PIK3C2B: variants seen among roughly 807,000 people sequenced by gnomAD.
The protein encoded by PIK3C2B is phosphatidylinositol 4-phosphate 3-kinase C2 domain-containing subunit beta.
PIK3C2B carries 83 observed loss-of-function variants against 184.3 expected under a neutral mutation model. That is an observed-to-expected ratio of 0.45 (90% confidence interval 0.38 to 0.54). The LOEUF is 0.54. PIK3C2B is among the 20% of genes least tolerant of loss of function. PIK3C2B has a pLI of 0.00. For missense variants in PIK3C2B, 1,736 were observed against 2,113.5 expected, an observed-to-expected ratio of 0.82 and a Z score of 3.50; for synonymous variants, 779 against 837.6, an observed-to-expected ratio of 0.93 and a Z score of 1.21.
intron 1 of PIK3C2B, among the ~76,000 whole-genome samples, chr1:204,474,280 C>T (rs910078069): frequency 1.3e-5 from 2 of 152,326 alleles, no homozygotes; most frequent in East Asian, 3.9e-4. Flanking sequence ...CGTGAGCCAC[C>T]GTGCCCGGCT....
At chr1:204,432,175 G>C in intron 27 of PIK3C2B, 25 bp downstream of exon 27, 2 of 1,600,606 alleles carry the variant, frequency 1.2e-6, no homozygotes, top group South Asian at 1.1e-5. Flanking sequence ...GCAGGAAAGG[G>C]GGTCAGATTG....
chr1:204,483,288 T>C (rs1055223347), intron 1 of PIK3C2B, among the ~76,000 whole-genome samples: 1 of 151,758 alleles, frequency 6.6e-6, no homozygotes, highest in South Asian at 2.1e-4. Flanking sequence ...TGTGGTGGCA[T>C]GTACCTGTAG....
intron 1 of PIK3C2B, among the ~76,000 whole-genome samples, chr1:204,472,197 T>G (rs1353886256): frequency 6.8e-6 from 1 of 147,012 alleles, no homozygotes; most frequent in African/African-American, 2.5e-5. Context: ...GGAGTCTCAC[T>G]CTGTCGCCCA....
chr1:204,449,755 C>A, intron 13 of PIK3C2B, 95 bp downstream of exon 13: 1 of 1,195,732 alleles, frequency 8.4e-7, no homozygotes, highest in Non-Finnish European at 1.2e-6. Flanking sequence ...GCCAACTCTC[C>A]CAAGGCGCAC....
chr1:204,465,402 C>T lies in PIK3C2B; in HGVS notation c.934-83G>A, dbSNP rs1232910489. 2.3e-5 allele frequency: 19 copies of T among 814,884 alleles called. 1 individual carries two copies. The South Asian group carries it at 2.6e-4, about 11-fold the overall frequency. The allele number at this position is 814,884 out of a possible 1,614,324, so 50.5% of individuals were successfully genotyped here. On this transcript the variant is annotated intron_variant, in intron 2 of 32. Coordinates refer to ENST00000684373, the MANE Select transcript of PIK3C2B (RefSeq NM_001377334.1). Reference sequence around the variant, plus strand: ...GAGGTACTCCAGACCTAAACTCAAACTCTAGATGAAAAGACTTTCTAGTCA... The same window carrying T: ...GAGGTACTCCAGACCTAAACTCAAATTCTAGATGAAAAGACTTTCTAGTCA...
At chr1:204,426,127 G>C (rs932739456) in intron 31 of PIK3C2B, among the ~76,000 whole-genome samples, 17 of 152,166 alleles carry the variant, frequency 1.1e-4, no homozygotes, top group African/African-American at 3.6e-4. Context: ...GAGTCACAGA[G>C]ATTGAGCTGC....
chr1:204,449,117 A>G, intron 14 of PIK3C2B, 68 bp downstream of exon 14: 2 of 1,123,734 alleles, frequency 1.8e-6, no homozygotes, highest in Non-Finnish European at 2.6e-6. Flanking sequence ...CCAAATCTCC[A>G]GGAGAAAAAT....
rs573710461 is a variant in PIK3C2B, at chr1:204,459,752, T to A, written c.1566+126A>T. The stretch of plus-strand genomic sequence containing the variant: ...CCATGAGCGAGGGGTTAAAAAGAAG[T>A]GCTCTGCCAACAGATTTTCAGGCTC... On this transcript the variant is annotated intron_variant, in intron 8 of 32. Transcript: ENST00000684373. 72 of 775,826 alleles carry A rather than the reference T, an allele frequency of 9.3e-5. No homozygotes were observed. The African/African-American group carries it at 1.1e-3, about 11-fold the overall frequency. 48.1% of individuals were successfully genotyped at this position (775,826 alleles called of 1,614,324 possible). A position where few individuals can be genotyped will look rare whatever the true frequency, so the allele number is the denominator to read the frequency against.
intron 27 of PIK3C2B, 33 bp from the exon 28 acceptor site, chr1:204,431,826 C>T (rs775531228): frequency 2.5e-6 from 4 of 1,613,752 alleles, no homozygotes; most frequent in African/African-American, 2.7e-5. Flanking sequence ...GTGTACCTGC[C>T]GAGCCCTCTG....
chr1:204,468,129 G>C (rs1338705833), intron 2 of PIK3C2B, among the ~76,000 whole-genome samples: 1 of 152,204 alleles, frequency 6.6e-6, no homozygotes, highest in East Asian at 1.9e-4. Context: ...AGAATGAGTA[G>C]AGATGAATAA....
At chr1:204,449,657 C>T (rs1281648165) in intron 13 of PIK3C2B, among the ~76,000 whole-genome samples, 193 bp downstream of exon 13, 6 of 152,222 alleles carry the variant, frequency 3.9e-5, no homozygotes, top group South Asian at 2.1e-4. Flanking sequence ...CCACCAGAAC[C>T]GCTCAGTGGC....
intron 14 of PIK3C2B, 149 bp downstream of exon 14, chr1:204,449,036 T>G: frequency 1.6e-6 from 1 of 641,528 alleles, no homozygotes; most frequent in Non-Finnish European, 2.8e-6. Context: ...TCTAACCATA[T>G]TCCCTCAGTT....
chr1:204,431,828 A>C, intron 27 of PIK3C2B, 35 bp from the exon 28 acceptor site: 1 of 1,614,000 alleles, frequency 6.2e-7, no homozygotes, highest in Non-Finnish European at 8.5e-7. Context: ...GTACCTGCCG[A>C]GCCCTCTGCA....
At position 204,469,825 on chromosome 1, in the gene PIK3C2B, A is replaced by T. The variant is rs370148397; in HGVS notation, c.-23T>A. The stretch of plus-strand genomic sequence containing the variant: ...CATGGTGAGGATGGGGGACACAGGC[A>T]ACAAAGTCTCTACTTCCTGCCAACG... On this transcript the variant is annotated 5_prime_UTR_variant, in exon 2 of 33. Coordinates refer to ENST00000684373, the MANE Select transcript of PIK3C2B (RefSeq NM_001377334.1). 2.3e-4 allele frequency: 357 copies of T among 1,556,754 alleles called. 1 individual carries two copies. The highest frequency in any genetic ancestry group is 3.0e-4 in the Non-Finnish European group (339 of 1,128,396).
intron 7 of PIK3C2B, 65 bp downstream of exon 7, chr1:204,460,259 C>A: frequency 7.7e-7 from 1 of 1,303,754 alleles, no homozygotes; most frequent in Non-Finnish European, 1.1e-6. Flanking sequence ...GGCAAGCAGG[C>A]ACATCTGATG....
intron 24 of PIK3C2B, 102 bp from the exon 25 acceptor site, chr1:204,434,051 A>G: frequency 1.1e-6 from 1 of 903,574 alleles, no homozygotes; most frequent in Non-Finnish European, 1.8e-6. Context: ...CATCACGTGG[A>G]CACACTGGAT....
intron 1 of PIK3C2B, among the ~76,000 whole-genome samples, chr1:204,472,600 G>A (rs1054216195): frequency 6.6e-6 from 1 of 152,146 alleles, no homozygotes; most frequent in South Asian, 2.1e-4. Flanking sequence ...CTAACATGGT[G>A]AAACCTCGTT....
intron 10 of PIK3C2B, 129 bp downstream of exon 10, chr1:204,456,908 C>CACACCCACA: frequency 4.7e-6 from 1 of 214,656 alleles, no homozygotes; most frequent in East Asian, 1.3e-4. Flanking sequence ...ACACACACAC[C>CACACCCACA]CACACACACA....
intron 16 of PIK3C2B, 55 bp from the exon 17 acceptor site, chr1:204,444,479 G>A (rs1653679092): frequency 2.3e-6 from 3 of 1,319,966 alleles, no homozygotes; most frequent in Non-Finnish European, 3.2e-6. Context: ...AGGCACAGCT[G>A]TGAGCCCAGC....
Sources: gnomAD v4.1 joint callset for allele counts (sites outside exome capture counted in the v4.1 genomes callset) on GRCh38, gnomAD v4.1.1 for gene constraint, MANE v1.5 for transcripts, NCBI Gene and HGNC (gene_info 2026-07-23, HGNC 2026-07-21) for gene names.